ERAP2: variants seen among roughly 807,000 people sequenced by gnomAD.
The protein encoded by ERAP2 is endoplasmic reticulum aminopeptidase 2.
ERAP2 carries 118 observed loss-of-function variants against 111.1 expected under a neutral mutation model. The ratio of observed to expected loss-of-function variants is 1.06; its 90% CI spans 0.92 to 1.24. The LOEUF is 1.24. ERAP2 is among the 50% of genes most tolerant of loss of function. The pLI, the probability that ERAP2 is intolerant of heterozygous loss-of-function variation, is 0.00. For missense variants in ERAP2, 1,131 were observed against 1,125.8 expected (o/e 1.00, Z -0.07); for synonymous variants, 410 against 401.2 (o/e 1.02, Z -0.26).
intron 12 of ERAP2, chr5:96,902,809 A>G (rs1785616293): frequency 6.4e-6 from 1 of 156,264 alleles, no homozygotes; most frequent in African/African-American, 2.4e-5. Flanking sequence ...AATAAAGACT[A>G]AACCTCACAG....
At chr5:96,890,915 T>C (rs1784280378) in intron 5 of ERAP2, among the ~76,000 whole-genome samples, 1 of 152,128 alleles carries the variant, frequency 6.6e-6, no homozygotes, top group Non-Finnish European at 1.5e-5. Context: ...TCTTGAAAAA[T>C]GCAGTCTTAA....
intron 17 of ERAP2, among the ~76,000 whole-genome samples, chr5:96,914,058 A>T (rs1787103144): frequency 1.3e-5 from 2 of 152,128 alleles, no homozygotes; most frequent in South Asian, 4.1e-4. Flanking sequence ...TGGATCTAAA[A>T]TATCCCTCAG....
Position 96,915,727 on chromosome 5 carries a change from T to G in ERAP2, c.2697T>G (p.Ser899=). Residue 899 remains serine, a synonymous_variant, in exon 18 of 19, where the codon TCT becomes TCG. Coordinates refer to ENST00000437043, the MANE Select transcript of ERAP2 (RefSeq NM_022350.5). ...LGSYDIRMII[S]GTTAHFSSKD... ...CATATGACATAAGGATGATCATCTC[T>G]GGCACAACAGCTCACTTTTCTTCCA... is the stretch of plus-strand genomic sequence containing the variant. 3.1e-6 allele frequency: 5 copies of G among 1,600,156 alleles called. No homozygotes were observed. The highest frequency in any genetic ancestry group is 4.3e-6 in the Non-Finnish European group (5 of 1,173,738).
upstream of ERAP2, chr5:96,876,185 T>C (rs971804717): frequency 6.6e-6 from 1 of 152,408 alleles, no homozygotes; most frequent in Non-Finnish European, 1.5e-5. Context: ...GATCAATTCC[T>C]AAGACAACAA....
In ERAP2 at chr5:96,896,811, A is replaced by C. The variant is rs766621634; in HGVS notation, c.1451A>C (p.Lys484Thr). Residue 484 changes from lysine to threonine, a missense_variant, in exon 9 of 19, where the codon AAG becomes ACG. Coordinates refer to ENST00000437043, the MANE Select transcript of ERAP2 (RefSeq NM_022350.5). ...FQKGIIQYLK[K>T]FSYRNAKNDD... is the part of the protein sequence containing the mutation. The stretch of plus-strand genomic sequence containing the variant: ...AAAGGAATAATTCAGTACTTAAAGA[A>C]GTTCAGCTATAGAAATGCTAAGAAT... The C allele has an allele frequency of 1.9e-5, 25 of 1,316,126 alleles. 1 individual carries two copies. Among genetic ancestry groups the C allele is most frequent in the Middle Eastern group, 2.3e-4 (1 of 4,430 alleles). 81.5% of individuals were successfully genotyped at this position (1,316,126 alleles called of 1,614,324 possible). A position where few individuals can be genotyped will look rare whatever the true frequency, so the allele number is the denominator to read the frequency against.
rs1314925367 is a variant in ERAP2 at position 96,889,185 on chromosome 5, G to T, written c.850G>T (p.Val284Leu). 6.2e-7 allele frequency: 1 copy of T among 1,614,012 alleles called. No homozygotes were observed. The highest frequency in any genetic ancestry group is 8.5e-7 in the Non-Finnish European group (1 of 1,179,900). The change falls in exon 5 of 19, where the codon GTG becomes TTG. Residue 284 changes from valine (V) to leucine (L), a missense_variant and splice_region_variant. By Grantham distance (32) the Val-to-Leu change is conservative. Transcript: ENST00000437043. The stretch of plus-strand genomic sequence containing the variant: ...ACCTCTTCTGATCCACATTTCCCAG[G>T]TGTCCATCTATGCATCCCCAGACAA... ...LSGFTSSGVK[V>L]SIYASPDKRN...
intron 3 of ERAP2, among the ~76,000 whole-genome samples, chr5:96,884,146 C>CT (rs11337784): frequency 1.3e-5 from 2 of 151,336 alleles, no homozygotes; most frequent in African/African-American, 2.4e-5. Flanking sequence ...ACACAGGAAG[C>CT]TTTTTTTTTC....
At chr5:96,885,605 A>T (rs567217110) in intron 3 of ERAP2, among the ~76,000 whole-genome samples, 1 of 152,356 alleles carries the variant, frequency 6.6e-6, no homozygotes, top group African/African-American at 2.4e-5. Flanking sequence ...TCTCTTGCCA[A>T]AGCAAATCGT....
intron 5 of ERAP2, 137 bp downstream of exon 5, chr5:96,889,442 C>G: frequency 1.0e-6 from 1 of 957,642 alleles, no homozygotes; most frequent in Non-Finnish European, 1.7e-6. Context: ...ATTTGTTCCT[C>G]AGAGATGATT....
chr5:96,900,946 T>C (rs1467148192), intron 10 of ERAP2, among the ~76,000 whole-genome samples: 1 of 152,212 alleles, frequency 6.6e-6, no homozygotes, highest in African/African-American at 2.4e-5. Flanking sequence ...ATTACAGGCA[T>C]GATCCACGGC....
At chr5:96,910,529 G>A (rs192445734) in intron 15 of ERAP2, among the ~76,000 whole-genome samples, 1 of 151,386 alleles carries the variant, frequency 6.6e-6, no homozygotes, top group Non-Finnish European at 1.5e-5. Context: ...TGGGTTGTAT[G>A]AGTGAAGCTA....
intron 2 of ERAP2, among the ~76,000 whole-genome samples, chr5:96,882,143 C>T (rs1407267535): frequency 6.6e-6 from 1 of 152,202 alleles, no homozygotes; most frequent in South Asian, 2.1e-4. Context: ...AGCCACAATC[C>T]TCAGGGGCTT....
intron 16 of ERAP2, 75 bp from the exon 17 acceptor site, chr5:96,913,242 T>C: frequency 8.7e-7 from 1 of 1,152,264 alleles, no homozygotes; most frequent in Non-Finnish European, 1.2e-6. Context: ...ATTCTTTTAA[T>C]ATATTGGTGG....
intron 5 of ERAP2, chr5:96,889,601 G>A (rs1784118254): frequency 3.0e-6 from 2 of 662,984 alleles, no homozygotes; most frequent in Admixed American, 4.7e-5. Context: ...TGGGACGGAA[G>A]CCAGGTAGAG....
At chr5:96,883,407 G>A (rs1783362540) in intron 2 of ERAP2, among the ~76,000 whole-genome samples, 1 of 152,122 alleles carries the variant, frequency 6.6e-6, no homozygotes, top group African/African-American at 2.4e-5. Flanking sequence ...GCCCTTTCAG[G>A]TTTAGAGACA....
At chr5:96,885,556 A>G (rs1313821003) in intron 3 of ERAP2, among the ~76,000 whole-genome samples, 2 of 152,220 alleles carry the variant, frequency 1.3e-5, no homozygotes, top group African/African-American at 4.8e-5. Context: ...TTGCCATCAA[A>G]GTAGACTAGA....
At position 96,913,408 on chromosome 5, in the gene ERAP2, C is replaced by T; in HGVS notation, c.2608C>T (p.Gln870Ter). 6.2e-7 allele frequency: 1 copy of T among 1,614,098 alleles called. No homozygotes were observed. The highest frequency in any genetic ancestry group is 8.5e-7 in the Non-Finnish European group (1 of 1,179,966). Residue 870 changes from glutamine to a stop codon, truncating the protein, a stop_gained, in exon 17 of 19, where the codon CAA (glutamine) becomes TAA (stop). Transcript: ENST00000437043. LOFTEE classifies it high-confidence loss of function. ...GATTGCCAGACGTCCAAAGGGGCAG[C>T]AACTAGCATGGGATTTTGTAAGAGA... ...HAIARRPKGQ[Q>*]LAWDFVRENW...
At chr5:96,890,071 TGGTTGTGGTAGTA>T (rs1484838362) in intron 5 of ERAP2, among the ~76,000 whole-genome samples, 1 of 152,196 alleles carries the variant, frequency 6.6e-6, no homozygotes, top group Non-Finnish European at 1.5e-5. Flanking sequence ...ACAGATCATT[TGGTTGTGGTAGTA>T]GGTCTTTACA....
rs1423334002 is a variant in ERAP2 at position 96,879,897 on chromosome 5, G to T, written c.212G>T (p.Ser71Ile). 6.2e-7 allele frequency: 1 copy of T among 1,614,028 alleles called. No homozygotes were observed. The highest frequency in any genetic ancestry group is 8.5e-7 in the Non-Finnish European group (1 of 1,180,020). Residue 71 changes from serine (S) to isoleucine (I), a missense_variant, in exon 2 of 19, where the codon AGT becomes ATT. Ser to Ile is a moderately radical substitution (Grantham distance 142). Transcript: ENST00000437043. ...CCTTGGCAGGAGCTAAGGCTCCCCA[G>T]TGTGGTCATTCCTCTCCATTATGAC... Reference protein sequence around the residue: ...RFPWQELRLPSVVIPLHYDLF... With the variant: ...RFPWQELRLPIVVIPLHYDLF...
Sources: allele counts gnomAD v4.1 joint callset (sites outside exome capture counted in the v4.1 genomes callset), GRCh38; gene constraint gnomAD v4.1.1; transcripts MANE v1.5; gene names NCBI Gene and HGNC (gene_info 2026-07-23, HGNC 2026-07-21).